The following ATP7A variants were observed in gnomAD, a reference collection of about 807,000 sequenced individuals.
ATP7A encodes ATPase copper transporting alpha, also known as copper-transporting ATPase 1.
ATP7A carries 7 observed loss-of-function variants against 83.5 expected under a neutral mutation model. That is an observed-to-expected ratio of 0.08 (90% CI 0.05 to 0.16). ATP7A has a LOEUF of 0.16. Ranked by LOEUF, ATP7A falls within the 10% of genes least tolerant of loss-of-function variation. The pLI, the probability that ATP7A is intolerant of heterozygous loss-of-function variation, is 1.00. For missense variants in ATP7A, 940 were observed against 1,120.8 expected (o/e 0.84, Z 2.30); for synonymous variants, 354 against 395.2 (o/e 0.90, Z 1.24).
Position 77,939,448 on chromosome X carries a change from T to G in ATP7A, c.-22+28613T>G, listed in dbSNP as rs782795624. ...GGCCGGGTCAGAGAGTGGCACTTTT[T>G]AAAAACTTATTTTTTATTATCAAAG... is the stretch of plus-strand genomic sequence containing the variant. On this transcript the variant is annotated intron_variant, in intron 1 of 22. Transcript: ENST00000341514. 1.3e-4 allele frequency among the ~76,000 whole-genome samples: 15 copies of G among 111,326 alleles called. No individual in the cohort carries two copies. In the South Asian group the frequency reaches 5.7e-3, roughly 42 times the overall value.
chrX:77,969,684 C>T, intron 1 of ATP7A: 2 of 1,199,644 alleles, frequency 1.7e-6, no homozygotes, highest in Non-Finnish European at 2.3e-6. Context: ...GTAAAAGGTA[C>T]AAAAGGTTAT....
chrX:78,040,426 G>A (rs2078040131), intron 18 of ATP7A, among the ~76,000 whole-genome samples, 165 bp from the exon 19 acceptor site: 1 of 111,926 alleles, frequency 8.9e-6, no homozygotes, highest in Non-Finnish European at 1.9e-5. Flanking sequence ...TTGTTACAGA[G>A]TTTGTAGTAT....
chrX:78,046,762 A>C lies in ATP7A; in HGVS notation c.*192A>C, dbSNP rs781857588. ...ATCAGCTCTGAACCTAGCTTTATTT[A>C]AACTGAATTTCCAGTATATTTTTGT... On this transcript the variant is annotated 3_prime_UTR_variant, in exon 23 of 23. Coordinates refer to ENST00000341514, the MANE Select transcript of ATP7A (RefSeq NM_000052.7). 445 of 526,177 alleles carry C rather than the reference A, an allele frequency of 8.5e-4. No homozygotes were observed. Among genetic ancestry groups the C allele is most frequent in the Middle Eastern group, 5.2e-3 (9 of 1,728 alleles). The allele number at this position is 526,177 out of a possible 1,213,427, so 43.4% of individuals were successfully genotyped here. A position where few individuals can be genotyped will look rare whatever the true frequency, so the allele number is the denominator to read the frequency against.
At chrX:77,914,470 G>T (rs782632779) in intron 1 of ATP7A, among the ~76,000 whole-genome samples, 1 of 111,026 alleles carries the variant, frequency 9.0e-6, no homozygotes, top group South Asian at 3.7e-4. Flanking sequence ...TGCTATCTCG[G>T]CTCACTGCAA....
In ATP7A at chrX:77,996,756, A is replaced by G. The variant is rs901103389; in HGVS notation, c.1337-1722A>G. ...AATAACGAAATTGCTCTGGAACAAC[A>G]GGTAAAGTGATGAACAGAAAAAACT... On this transcript the variant is annotated intron_variant, in intron 4 of 22. Coordinates refer to ENST00000341514, the MANE Select transcript of ATP7A (RefSeq NM_000052.7). 4.7e-5 allele frequency among the ~76,000 whole-genome samples: 5 copies of G among 105,359 alleles called. No homozygotes were observed. In the Admixed American group the frequency reaches 5.2e-4, roughly 11 times the overall value. 91.5% of individuals were successfully genotyped at this position (105,359 alleles called of 115,157 possible). A position where few individuals can be genotyped will look rare whatever the true frequency, so the allele number is the denominator to read the frequency against.
intron 14 of ATP7A, among the ~76,000 whole-genome samples, chrX:78,028,399 G>T (rs2077961129): frequency 2.7e-5 from 3 of 111,563 alleles, no homozygotes; most frequent in Non-Finnish European, 5.6e-5. Context: ...ATGTTGGCCA[G>T]GCAGGTCTCG....
chrX:77,990,932 T>G (rs1165797372), intron 4 of ATP7A, among the ~76,000 whole-genome samples: 1 of 112,216 alleles, frequency 8.9e-6, no homozygotes, highest in Non-Finnish European at 1.9e-5. Context: ...TAAACACATG[T>G]CTAAATTGTT....
intron 1 of ATP7A, among the ~76,000 whole-genome samples, chrX:77,911,055 AC>A (rs781911526): frequency 8.9e-6 from 1 of 111,970 alleles, no homozygotes; most frequent in Non-Finnish European, 1.9e-5. Flanking sequence ...ACTTTCTTGT[AC>A]CCTCTTGGAG....
At chrX:77,993,662 A>G (rs1029068948) in intron 4 of ATP7A, among the ~76,000 whole-genome samples, 12 of 111,683 alleles carry the variant, frequency 1.1e-4, no homozygotes, top group Non-Finnish European at 2.1e-4. Context: ...CATATAAGGC[A>G]TTTGATATTG....
intron 17 of ATP7A, among the ~76,000 whole-genome samples, chrX:78,038,281 A>G (rs1557237938): frequency 9.1e-6 from 1 of 110,211 alleles, no homozygotes; most frequent in Admixed American, 9.8e-5. Flanking sequence ...AGTAGGAAGC[A>G]GAGTCATCAT....
intron 14 of ATP7A, among the ~76,000 whole-genome samples, chrX:78,024,500 G>T (rs1557236131): frequency 1.8e-5 from 2 of 111,685 alleles, no homozygotes; most frequent in Non-Finnish European, 3.8e-5. Flanking sequence ...GCCAGCTAGC[G>T]CACACTTGGA....
intron 2 of ATP7A, among the ~76,000 whole-genome samples, chrX:77,982,442 A>C (rs1376233154): frequency 2.7e-5 from 3 of 112,370 alleles, no homozygotes; most frequent in Non-Finnish European, 5.6e-5. Context: ...TCCCATAGTG[A>C]CTTTTAAAAA....
At chrX:77,917,192 T>C (rs1557222623) in intron 1 of ATP7A, among the ~76,000 whole-genome samples, 1 of 112,183 alleles carries the variant, frequency 8.9e-6, no homozygotes, top group Non-Finnish European at 1.9e-5. Flanking sequence ...GCATGGACTA[T>C]ATGGCAATCA....
At chrX:77,957,803 T>C (rs1254236778) in intron 1 of ATP7A, among the ~76,000 whole-genome samples, 1 of 111,345 alleles carries the variant, frequency 9.0e-6, no homozygotes, top group African/African-American at 3.3e-5. Flanking sequence ...TTTGAGTAGA[T>C]TTTTGTATAT....
chrX:78,023,976 G>A (rs1557236072), intron 14 of ATP7A, among the ~76,000 whole-genome samples: 1 of 111,123 alleles, frequency 9.0e-6, no homozygotes, highest in Non-Finnish European at 1.9e-5. Context: ...TTTTTTATAT[G>A]GTGAGAGATA....
intron 12 of ATP7A, among the ~76,000 whole-genome samples, chrX:78,018,871 C>T (rs1180039819): frequency 9.7e-6 from 1 of 103,623 alleles, no homozygotes; most frequent in Non-Finnish European, 2.0e-5. Flanking sequence ...CATAAGGCAA[C>T]AGTAGAGAGA....
chrX:78,018,709 A>T (rs782468954), intron 12 of ATP7A, among the ~76,000 whole-genome samples: 16 of 111,967 alleles, frequency 1.4e-4, no homozygotes, highest in Middle Eastern at 4.6e-3. Context: ...AATTTACTAC[A>T]TTAGTCAGTT....
chrX:78,009,331 G>T, intron 7 of ATP7A, 68 bp downstream of exon 7: 2 of 1,108,274 alleles, frequency 1.8e-6, no homozygotes, highest in Non-Finnish European at 2.5e-6. Flanking sequence ...AATCATTTCT[G>T]GTTTGCATCA....
At chrX:77,932,792 G>A (rs1026703472) in intron 1 of ATP7A, among the ~76,000 whole-genome samples, 26 of 112,540 alleles carry the variant, frequency 2.3e-4, no homozygotes, top group African/African-American at 8.4e-4. Context: ...GCAATCGCAG[G>A]CACTCGGCAG....
Sources: gnomAD v4.1 joint callset for allele counts (sites outside exome capture counted in the v4.1 genomes callset) on GRCh38, gnomAD v4.1.1 for gene constraint, MANE v1.5 for transcripts, NCBI Gene and HGNC (gene_info 2026-07-23, HGNC 2026-07-21) for gene names.